EML1: variants seen among roughly 807,000 people sequenced by gnomAD.
EML1 encodes the protein EMAP like 1.
EML1 carries 27 observed loss-of-function variants against 110.4 expected under a neutral mutation model. The ratio of observed to expected loss-of-function variants is 0.24; its 90% confidence interval spans 0.18 to 0.34. The LOEUF (loss-of-function observed/expected upper bound fraction) is 0.34. Among genes scored for constraint, EML1 ranks in the 10% least tolerant of loss-of-function variants. EML1 has a pLI of 1.00. For synonymous variants in EML1, 344 were observed against 385.8 expected (o/e 0.89, Z 1.27); for missense variants, 741 against 1,030.9 (o/e 0.72, Z 3.85).
At chr14:99,740,111 C>A (rs1322135453) in intron 1 of EML1, among the ~76,000 whole-genome samples, 2 of 152,124 alleles carry the variant, frequency 1.3e-5, no homozygotes, top group Non-Finnish European at 2.9e-5. Context: ...CATAAGCAAC[C>A]TAGAGAGGGA....
chr14:99,769,744 C>G (rs956899640), upstream of EML1, among the ~76,000 whole-genome samples: 1 of 152,210 alleles, frequency 6.6e-6, no homozygotes, highest in Non-Finnish European at 1.5e-5. Flanking sequence ...CTCAGGACAC[C>G]ACTTAAATGT....
intron 1 of EML1, among the ~76,000 whole-genome samples, chr14:99,829,953 A>G (rs2058421576): frequency 6.6e-6 from 1 of 152,212 alleles, no homozygotes; most frequent in Non-Finnish European, 1.5e-5. Flanking sequence ...TGTTTTGAAC[A>G]TAGCTTTGAA....
At chr14:99,782,438 C>T (rs965304308) in intron 1 of EML1, among the ~76,000 whole-genome samples, 4 of 152,140 alleles carry the variant, frequency 2.6e-5, no homozygotes, top group Admixed American at 6.5e-5. Flanking sequence ...GTTTGCTCCC[C>T]TCTGAGCTGT....
intron 1 of EML1, among the ~76,000 whole-genome samples, chr14:99,777,360 A>G (rs573986392): frequency 1.5e-4 from 23 of 152,070 alleles, no homozygotes; most frequent in Non-Finnish European, 1.8e-4. Context: ...AGCAGTTACC[A>G]CTTCCAAATA....
At chr14:99,883,036 T>C (rs2059414028) in intron 4 of EML1, among the ~76,000 whole-genome samples, 1 of 152,164 alleles carries the variant, frequency 6.6e-6, no homozygotes, top group African/African-American at 2.4e-5. Flanking sequence ...GGGCGCAAAG[T>C]TGTTTTTCCT....
chr14:99,755,775 A>T (rs1281789373), intron 1 of EML1, among the ~76,000 whole-genome samples: 4 of 152,026 alleles, frequency 2.6e-5, no homozygotes, highest in Admixed American at 2.6e-4. Context: ...GGGTGGGGAA[A>T]CTGTGTTGTG....
chr14:99,795,279 C>T (rs1409117841), intron 1 of EML1, among the ~76,000 whole-genome samples: 1 of 152,152 alleles, frequency 6.6e-6, no homozygotes. Flanking sequence ...TAATTGCCAG[C>T]CTAGAGATAT....
intron 1 of EML1, among the ~76,000 whole-genome samples, chr14:99,820,255 T>C (rs1691095085): frequency 6.6e-6 from 1 of 152,234 alleles, no homozygotes; most frequent in Non-Finnish European, 1.5e-5. Flanking sequence ...GTTTTATTGA[T>C]ATATTTTTCG....
chr14:99,858,890 A>C (rs1216014574), intron 2 of EML1, among the ~76,000 whole-genome samples: 5 of 152,358 alleles, frequency 3.3e-5, no homozygotes, highest in East Asian at 1.9e-4. Flanking sequence ...GGATTTCCTC[A>C]TATAATCATA....
chr14:99,757,575 G>T (rs2057271341), intron 1 of EML1, among the ~76,000 whole-genome samples: 1 of 152,230 alleles, frequency 6.6e-6, no homozygotes, highest in Non-Finnish European at 1.5e-5. Flanking sequence ...GAGGAAGCGT[G>T]CTGGTTAGCG....
intron 1 of EML1, among the ~76,000 whole-genome samples, chr14:99,833,155 A>G (rs2058487300): frequency 1.3e-5 from 2 of 152,188 alleles, no homozygotes; most frequent in South Asian, 4.1e-4. Context: ...TTTTAGGTTT[A>G]TGATCCATTT....
chr14:99,926,871 G>A (rs1452909056), intron 17 of EML1, among the ~76,000 whole-genome samples: 2 of 151,956 alleles, frequency 1.3e-5, no homozygotes, highest in East Asian at 3.9e-4. Context: ...AGCCTCCCGA[G>A]TAGCTGGGAC....
At chr14:99,844,966 C>T (rs1040013213) in intron 1 of EML1, among the ~76,000 whole-genome samples, 18 of 152,342 alleles carry the variant, frequency 1.2e-4, no homozygotes, top group Non-Finnish European at 2.4e-4. Context: ...CAAGTCTGAA[C>T]AGAGCCACCA....
At position 99,939,150 on chromosome 14, in the gene EML1, T is replaced by C. The variant is rs1202145008; in HGVS notation, c.2192-47T>C. The C allele has an allele frequency of 6.2e-7, 1 of 1,606,220 alleles. No individual in the cohort carries two copies. Among genetic ancestry groups the C allele is most frequent in the South Asian group, 1.1e-5 (1 of 90,164 alleles). Reference sequence around the variant, plus strand: ...GGGCGCTTCCTGCGCCATGTGGCCCTGTGGCCCCTGGTGTTTCCAGCGCCC... The same window carrying C: ...GGGCGCTTCCTGCGCCATGTGGCCCCGTGGCCCCTGGTGTTTCCAGCGCCC... On this transcript the variant is annotated intron_variant, in intron 20 of 21. Coordinates refer to ENST00000262233, the MANE Select transcript of EML1 (RefSeq NM_004434.3). The surrounding 1 kb of genome is among the most constrained non-coding windows in gnomAD (Gnocchi z 4.2).
intron 17 of EML1, among the ~76,000 whole-genome samples, chr14:99,934,507 A>C (rs1465901105): frequency 6.6e-6 from 1 of 152,242 alleles, no homozygotes; most frequent in East Asian, 1.9e-4. Context: ...GGAAAATCAC[A>C]GGAAAGAAGG....
intron 16 of EML1, among the ~76,000 whole-genome samples, chr14:99,919,353 G>A (rs1425069799): frequency 6.6e-6 from 1 of 151,318 alleles, no homozygotes; most frequent in Non-Finnish European, 1.5e-5. Flanking sequence ...TTAAGTATTG[G>A]GCTCCATGTA....
At chr14:99,737,835 G>A (rs929547940) in exon 1 of EML1, 5 of 1,289,196 alleles carry the variant, frequency 3.9e-6, no homozygotes, top group Non-Finnish European at 5.1e-6. Flanking sequence ...TCCACACCAT[G>A]TCGGACGGCG....
At chr14:99,850,123 G>A in intron 1 of EML1, 3 of 336,892 alleles carry the variant, frequency 8.9e-6, no homozygotes, top group South Asian at 2.5e-5. Context: ...GTATTTTGTA[G>A]AGGCAGAGTT....
At chr14:99,876,259 G>A (rs1383220008) in intron 3 of EML1, among the ~76,000 whole-genome samples, 4 of 152,178 alleles carry the variant, frequency 2.6e-5, no homozygotes, top group African/African-American at 7.2e-5. Context: ...GAGGGAGGAC[G>A]TTGAGCTTCA....
Sources: allele counts gnomAD v4.1 joint callset (sites outside exome capture counted in the v4.1 genomes callset), GRCh38; gene constraint gnomAD v4.1.1; non-coding constraint Gnocchi (gnomAD v3.1); transcripts MANE v1.5; gene names NCBI Gene and HGNC (gene_info 2026-07-23, HGNC 2026-07-21).